CERS6: variants seen among roughly 807,000 people sequenced by gnomAD.
CERS6 encodes LAG1 homolog, ceramide synthase 6.
CERS6 carries 26 observed loss-of-function variants against 56.8 expected under a neutral mutation model. That is an observed-to-expected ratio of 0.46 (90% CI 0.34 to 0.63). The LOEUF is 0.63. CERS6 is among the 30% of genes least tolerant of loss of function. CERS6 has a pLI of 0.01. For missense variants in CERS6, 415 were observed against 467.5 expected, an observed-to-expected ratio of 0.89 and a Z score of 1.04; for synonymous variants, 164 against 173.3, an observed-to-expected ratio of 0.95 and a Z score of 0.42.
chr2:168,619,056 C>T (rs1684395687), intron 3 of CERS6, among the ~76,000 whole-genome samples: 1 of 152,028 alleles, frequency 6.6e-6, no homozygotes, highest in Non-Finnish European at 1.5e-5. Flanking sequence ...AGAAATAAAG[C>T]CAAATACTTA....
chr2:168,499,628 T>A (rs1425309713), intron 1 of CERS6, among the ~76,000 whole-genome samples: 1 of 152,176 alleles, frequency 6.6e-6, no homozygotes, highest in Non-Finnish European at 1.5e-5. Flanking sequence ...AACAGGTGGT[T>A]TGAGTCACTG....
Position 168,492,620 on chromosome 2 carries a change from T to G in CERS6, c.170+36002T>G, listed in dbSNP as rs1694394436. ...CAGTGCAGAAGCTCTTCAGTTTAAT[T>G]AGATCCCATTTGTCGATTTTGGCTT... On this transcript the variant is annotated intron_variant, in intron 1 of 9. Transcript: ENST00000305747. Among the ~76,000 whole-genome samples, 3 of 152,220 alleles carry G rather than the reference T, an allele frequency of 2.0e-5. No individual in the cohort carries two copies. In the South Asian group the frequency reaches 6.2e-4, roughly 31 times the overall value.
intron 4 of CERS6, among the ~76,000 whole-genome samples, chr2:168,676,445 A>G (rs1365644504): frequency 2.0e-5 from 3 of 152,210 alleles, no homozygotes; most frequent in Admixed American, 2.0e-4. Flanking sequence ...TAATGTTTTT[A>G]TTGATCCCCT....
chr2:168,631,168 T>A, intron 4 of CERS6, 126 bp downstream of exon 4: 1 of 504,514 alleles, frequency 2.0e-6, no homozygotes, highest in Non-Finnish European at 3.5e-6. Flanking sequence ...AAGAATTATT[T>A]GTGCATTTTC....
intron 1 of CERS6, among the ~76,000 whole-genome samples, chr2:168,489,853 G>A (rs1694338940): frequency 6.6e-6 from 1 of 151,996 alleles, no homozygotes; most frequent in African/African-American, 2.4e-5. Context: ...CCTAAGAACT[G>A]ATCATATTTT....
chr2:168,762,287 A>C (rs1214120490), intron 8 of CERS6, among the ~76,000 whole-genome samples: 1 of 152,184 alleles, frequency 6.6e-6, no homozygotes, highest in Non-Finnish European at 1.5e-5. Flanking sequence ...TGTTTTTAAA[A>C]TACTTATAGA....
chr2:168,764,882 G>A (rs1684686349), intron 8 of CERS6, among the ~76,000 whole-genome samples: 1 of 152,182 alleles, frequency 6.6e-6, no homozygotes, highest in South Asian at 2.1e-4. Flanking sequence ...CTGGGTATAT[G>A]CCCGAAAGAT....
intron 4 of CERS6, among the ~76,000 whole-genome samples, chr2:168,652,610 GT>G (rs563356957): frequency 5.1e-4 from 72 of 140,306 alleles, no homozygotes; most frequent in African/African-American, 1.4e-3. Context: ...ATGAATTGTT[GT>G]TTTTTTTTTA....
intron 4 of CERS6, among the ~76,000 whole-genome samples, chr2:168,664,364 G>C (rs1273546327): frequency 6.6e-6 from 1 of 152,160 alleles, no homozygotes; most frequent in African/African-American, 2.4e-5. Context: ...AGAGTGGCAG[G>C]GCAGTGAACT....
intron 1 of CERS6, among the ~76,000 whole-genome samples, chr2:168,510,485 A>G (rs1276294816): frequency 6.6e-6 from 1 of 152,232 alleles, no homozygotes; most frequent in Non-Finnish European, 1.5e-5. Context: ...GGCAGACCAC[A>G]TAGCCTAGAC....
chr2:168,685,895 T>C (rs1046274946), intron 4 of CERS6, among the ~76,000 whole-genome samples: 2 of 151,720 alleles, frequency 1.3e-5, no homozygotes, highest in African/African-American at 4.8e-5. Context: ...GTGGCTTAGA[T>C]TGAGAGAGTT....
chr2:168,750,877 G>GT (rs1258712082), intron 8 of CERS6, among the ~76,000 whole-genome samples: 1 of 152,152 alleles, frequency 6.6e-6, no homozygotes, highest in Admixed American at 6.5e-5. Context: ...CAAATAGATA[G>GT]TAAGTTCTTT....
chr2:168,590,647 G>A (rs1475161169), intron 3 of CERS6, among the ~76,000 whole-genome samples: 1 of 152,166 alleles, frequency 6.6e-6, no homozygotes, highest in Non-Finnish European at 1.5e-5. Context: ...TAATATAGTT[G>A]TGGGGTCATG....
At chr2:168,635,985 C>G (rs538925378) in intron 4 of CERS6, among the ~76,000 whole-genome samples, 4 of 152,126 alleles carry the variant, frequency 2.6e-5, no homozygotes, top group Non-Finnish European at 5.9e-5. Context: ...TAGAATTTGT[C>G]TAGCCATTAG....
chr2:168,686,319 C>A (rs553731166), intron 4 of CERS6, among the ~76,000 whole-genome samples: 1 of 151,484 alleles, frequency 6.6e-6, no homozygotes, highest in African/African-American at 2.4e-5. Flanking sequence ...AAGACTCTAA[C>A]CTTATGACCT....
intron 3 of CERS6, among the ~76,000 whole-genome samples, chr2:168,569,425 G>T (rs758290649): frequency 5.3e-5 from 8 of 152,348 alleles, no homozygotes; most frequent in Non-Finnish European, 1.0e-4. Context: ...GAAGGAGGAA[G>T]ATCTGAAATC....
At chr2:168,744,462 C>A (rs983459343) in intron 8 of CERS6, among the ~76,000 whole-genome samples, 1 of 152,042 alleles carries the variant, frequency 6.6e-6, no homozygotes. Context: ...CAAACGCATG[C>A]TTCAGACCCT....
In CERS6 at chr2:168,612,109, C is replaced by T. The variant is rs528744276; in HGVS notation, c.408-18876C>T. ...TCTACATACTTTACAAGTATTGCCTCATTTAATCCTCATTCTAACCCTTTG... is the reference window on the plus strand; with the variant it reads ...TCTACATACTTTACAAGTATTGCCTTATTTAATCCTCATTCTAACCCTTTG... On this transcript the variant is annotated intron_variant, in intron 3 of 9. Transcript: ENST00000305747. Among the ~76,000 whole-genome samples, 6 of 152,322 alleles carry T rather than the reference C, an allele frequency of 3.9e-5. No individual in the cohort carries two copies. In the East Asian group the frequency reaches 7.7e-4, roughly 20 times the overall value.
chr2:168,696,794 C>CTAACCCCTAAT (rs1686658867), intron 6 of CERS6, among the ~76,000 whole-genome samples: 2 of 152,304 alleles, frequency 1.3e-5, no homozygotes, highest in African/African-American at 4.8e-5. Flanking sequence ...CTAATACTAT[C>CTAACCCCTAAT]ACTTTGGGGG....
Sources: gnomAD v4.1 joint callset for allele counts (sites outside exome capture counted in the v4.1 genomes callset) on GRCh38, gnomAD v4.1.1 for gene constraint, MANE v1.5 for transcripts, NCBI Gene and HGNC (gene_info 2026-07-23, HGNC 2026-07-21) for gene names.